Variants in RNF144A observed in about 807,000 individuals in gnomAD.
RNF144A encodes the protein E3 ubiquitin-protein ligase RNF144A.
In RNF144A, 11 loss-of-function variants were observed where a neutral mutation model predicts 38.7. The observed-to-expected ratio is 0.28, with a 90% confidence interval of 0.18 to 0.47. The LOEUF is 0.47. RNF144A is among the 20% of genes least tolerant of loss of function. The pLI is 0.99. For synonymous variants in RNF144A, 149 were observed against 143.9 expected, an observed-to-expected ratio of 1.04 and a Z score of -0.25; for missense variants, 316 against 377.2, an observed-to-expected ratio of 0.84 and a Z score of 1.34.
At chr2:7,073,376 A>G in the RNF144A span, among the ~76,000 whole-genome samples, 7 of 151,932 alleles carry the variant, frequency 4.6e-5, no homozygotes, top group Non-Finnish European at 8.8e-5. Context: ...AAATGATGTG[A>G]TGTTCATATT....
intron 3 of RNF144A, 63 bp from the exon 4 acceptor site, chr2:7,014,391 C>T: frequency 9.1e-7 from 1 of 1,098,624 alleles, no homozygotes; most frequent in Non-Finnish European, 1.4e-6. Flanking sequence ...TTTAATGCAT[C>T]ATGGTTTCTT....
intron 3 of RNF144A, among the ~76,000 whole-genome samples, chr2:7,011,754 A>G (rs915476680): frequency 6.6e-6 from 1 of 152,242 alleles, no homozygotes; most frequent in African/African-American, 2.4e-5. Flanking sequence ...TTTTGCAATT[A>G]GAATGAAAAC....
At chr2:7,039,321 G>T (rs1212382531) in intron 8 of RNF144A, among the ~76,000 whole-genome samples, 1 of 151,590 alleles carries the variant, frequency 6.6e-6, no homozygotes, top group East Asian at 2.0e-4. Context: ...TAGATGGATG[G>T]GTAGGTGGAT....
intron 2 of RNF144A, among the ~76,000 whole-genome samples, chr2:6,961,148 A>G (rs1318004243): frequency 1.3e-5 from 2 of 152,128 alleles, no homozygotes; most frequent in East Asian, 3.8e-4. Context: ...TAGAAAAGGA[A>G]TAATGCATGC....
Position 7,014,707 on chromosome 2 carries a change from C to G in RNF144A, c.241-5C>G. 6.2e-7 allele frequency: 1 copy of G among 1,608,954 alleles called. No individual in the cohort carries two copies. Among genetic ancestry groups the G allele is most frequent in the South Asian group, 1.1e-5 (1 of 90,602 alleles). On this transcript the variant is annotated splice_polypyrimidine_tract_variant and splice_region_variant and intron_variant, in intron 4 of 8. Transcript: ENST00000320892. ...CATTCCTGTTTGCATTTTTTTTTCC[C>G]TTAGATTGAGTGCATGGTTGCAGCT...
chr2:7,036,481 C>G (rs1459946257), intron 8 of RNF144A, among the ~76,000 whole-genome samples: 1 of 152,160 alleles, frequency 6.6e-6, no homozygotes, highest in Non-Finnish European at 1.5e-5. Context: ...TGCTTATGTC[C>G]TGGAAGCCAC....
At chr2:7,021,370 C>G (rs1029314240) in intron 6 of RNF144A, among the ~76,000 whole-genome samples, 1 of 152,170 alleles carries the variant, frequency 6.6e-6, no homozygotes, top group Admixed American at 6.5e-5. Context: ...TGCTCACCAG[C>G]TGCTCCCTGT....
chr2:6,981,350 A>G lies in RNF144A; in HGVS notation c.-11-15566A>G, dbSNP rs574816523. Among the ~76,000 whole-genome samples, 70 of 152,082 alleles carry G rather than the reference A, an allele frequency of 4.6e-4. No individual in the cohort carries two copies. The South Asian group carries it at 9.4e-3, about 20-fold the overall frequency. ...TTATCTCTGCTTTTTTTTTTAAAAC[A>G]TAAGTTTCAATTTCATATCGTCTCT... On this transcript the variant is annotated intron_variant, in intron 2 of 8. Transcript: ENST00000320892.
chr2:7,038,857 G>A (rs1194528131), intron 8 of RNF144A, among the ~76,000 whole-genome samples: 1 of 151,802 alleles, frequency 6.6e-6, no homozygotes, highest in Non-Finnish European at 1.5e-5. Flanking sequence ...TGGGTGAGTG[G>A]GTGAATGGGT....
At chr2:6,935,338 G>A (rs912932267) in intron 1 of RNF144A, among the ~76,000 whole-genome samples, 3 of 152,180 alleles carry the variant, frequency 2.0e-5, no homozygotes, top group Non-Finnish European at 4.4e-5. Context: ...GTAACACCCA[G>A]TTCTTCTAAA....
At chr2:6,923,762 A>G (rs919030455) in intron 1 of RNF144A, among the ~76,000 whole-genome samples, 9 of 151,712 alleles carry the variant, frequency 5.9e-5, no homozygotes, top group African/African-American at 2.2e-4. Context: ...TCCCAGGCAC[A>G]AATGTTTTCC....
chr2:6,951,663 C>T (rs1666687891), intron 2 of RNF144A, among the ~76,000 whole-genome samples: 1 of 152,132 alleles, frequency 6.6e-6, no homozygotes, highest in Admixed American at 6.6e-5. Context: ...CTAGATACAC[C>T]TTACTTATCT....
intron 6 of RNF144A, among the ~76,000 whole-genome samples, chr2:7,065,133 T>TG (rs1453204674): frequency 6.6e-6 from 1 of 152,274 alleles, no homozygotes; most frequent in Non-Finnish European, 1.5e-5. Flanking sequence ...TGTTGACTTA[T>TG]GTAATTCTTA....
intron 6 of RNF144A, among the ~76,000 whole-genome samples, chr2:7,055,990 C>T (rs1205715416): frequency 1.3e-5 from 2 of 152,302 alleles, no homozygotes; most frequent in East Asian, 3.9e-4. Context: ...GGAGCCTCTG[C>T]TCTGCCCAGT....
intron 5 of RNF144A, among the ~76,000 whole-genome samples, chr2:7,017,708 CTTTG>C (rs1293739860): frequency 6.6e-6 from 1 of 152,142 alleles, no homozygotes; most frequent in Non-Finnish European, 1.5e-5. Context: ...ATATCATTTG[CTTTG>C]TTTGAAAATA....
chr2:6,993,601 CTG>C (rs1669534135), intron 2 of RNF144A, among the ~76,000 whole-genome samples: 1 of 152,050 alleles, frequency 6.6e-6, no homozygotes, highest in Non-Finnish European at 1.5e-5. Context: ...CCAGGGCCCT[CTG>C]TGGAGCGGTT....
Position 7,042,510 on chromosome 2 carries a change from G to A in RNF144A, c.*2750G>A. On this transcript the variant is annotated 3_prime_UTR_variant, in exon 9 of 9. Coordinates refer to ENST00000320892, the MANE Select transcript of RNF144A (RefSeq NM_014746.6). Reference sequence around the variant, plus strand: ...AGGCCCTTAGACAACCATGGCTGCTGTACTGCCGCCCAGGGTGGGTGGCCA... The same window carrying A: ...AGGCCCTTAGACAACCATGGCTGCTATACTGCCGCCCAGGGTGGGTGGCCA... 2.0e-6 allele frequency: 2 copies of A among 985,536 alleles called. No homozygotes were observed. The highest frequency in any genetic ancestry group is 2.4e-6 in the Non-Finnish European group (2 of 829,982). 61.0% of individuals were successfully genotyped at this position (985,536 alleles called of 1,614,324 possible). A position where few individuals can be genotyped will look rare whatever the true frequency, so the allele number is the denominator to read the frequency against.
At chr2:6,924,936 G>C (rs1187313787) in intron 1 of RNF144A, among the ~76,000 whole-genome samples, 2 of 152,246 alleles carry the variant, frequency 1.3e-5, no homozygotes, top group East Asian at 3.8e-4. Flanking sequence ...TTTGCTTTGG[G>C]AAGGGTGTGG....
intron 7 of RNF144A, among the ~76,000 whole-genome samples, chr2:7,025,884 G>T (rs1232002180): frequency 6.6e-6 from 1 of 152,110 alleles, no homozygotes; most frequent in Non-Finnish European, 1.5e-5. Flanking sequence ...AAAGCGGGGG[G>T]TGGGGCAGGG....
Sources: allele counts gnomAD v4.1 joint callset (sites outside exome capture counted in the v4.1 genomes callset), GRCh38; gene constraint gnomAD v4.1.1; transcripts MANE v1.5; gene names NCBI Gene and HGNC (gene_info 2026-07-23, HGNC 2026-07-21).